Variants in POLA2 observed in about 807,000 individuals in gnomAD.
The protein encoded by POLA2 is DNA polymerase alpha 2, accessory subunit, also known as DNA polymerase alpha subunit B.
A neutral mutation model predicts 82.8 loss-of-function variants in POLA2; 47 were observed. The ratio of observed to expected loss-of-function variants is 0.57; its 90% CI spans 0.45 to 0.72. The LOEUF (loss-of-function observed/expected upper bound fraction) is 0.72. Ranked by LOEUF, POLA2 falls within the 30% of genes least tolerant of loss-of-function variation. The pLI is 0.00. For missense variants in POLA2, 634 were observed against 728.1 expected (o/e 0.87, Z 1.49); for synonymous variants, 287 against 286.8 (o/e 1.00, Z -0.01).
chr11:65,280,812 A>C, intron 7 of POLA2, 180 bp from the exon 8 acceptor site: 1 of 593,648 alleles, frequency 1.7e-6, no homozygotes. Flanking sequence ...ATGCCCTTTC[A>C]GAGTTCTTCC....
intron 11 of POLA2, among the ~76,000 whole-genome samples, 183 bp downstream of exon 11, chr11:65,288,023 T>C (rs1039463406): frequency 6.6e-6 from 1 of 152,190 alleles, no homozygotes; most frequent in Non-Finnish European, 1.5e-5. Context: ...AGCCCAACTT[T>C]GGCCGGGCGC....
chr11:65,288,948 T>G, intron 11 of POLA2, 102 bp from the exon 12 acceptor site: 1 of 1,097,538 alleles, frequency 9.1e-7, no homozygotes, highest in Non-Finnish European at 1.4e-6. Flanking sequence ...GAGGGACAGA[T>G]GAGCCCTCCA....
At chr11:65,270,572 C>T (rs559104008) in intron 4 of POLA2, among the ~76,000 whole-genome samples, 68 of 152,316 alleles carry the variant, frequency 4.5e-4, no homozygotes, top group African/African-American at 1.2e-3. Flanking sequence ...AGGACACCTC[C>T]GTTCTTCCAT....
At chr11:65,288,080 T>C (rs1949716473) in intron 11 of POLA2, among the ~76,000 whole-genome samples, 1 of 152,120 alleles carries the variant, frequency 6.6e-6, no homozygotes, top group African/African-American at 2.4e-5. Flanking sequence ...CCGAGATGTG[T>C]GGATCACTTG....
chr11:65,297,572 A>T lies in POLA2; in HGVS notation c.*303A>T, dbSNP rs1949826385. 1.2e-5 allele frequency: 3 copies of T among 258,110 alleles called. No individual in the cohort carries two copies. The East Asian group carries it at 2.2e-4, about 19-fold the overall frequency. The allele number at this position is 258,110 out of a possible 1,614,324, so 16.0% of individuals were successfully genotyped here. A position where few individuals can be genotyped will look rare whatever the true frequency, so the allele number is the denominator to read the frequency against. ...GAAGGCTTTGTGATTTTCTACATGA[A>T]TCAAACACAGAAACAACTTTTGGAG... On this transcript the variant is annotated 3_prime_UTR_variant, in exon 18 of 18. Transcript: ENST00000265465.
intron 5 of POLA2, among the ~76,000 whole-genome samples, chr11:65,278,231 C>T (rs998128434): frequency 9.9e-5 from 15 of 152,172 alleles, no homozygotes; most frequent in Admixed American, 9.2e-4. Context: ...CCTCCATAGA[C>T]ACTGGGGAAA....
intron 5 of POLA2, among the ~76,000 whole-genome samples, chr11:65,278,213 C>T (rs1173952440): frequency 6.6e-6 from 1 of 152,172 alleles, no homozygotes; most frequent in African/African-American, 2.4e-5. Context: ...TAATTCATTA[C>T]TTACCCACCT....
At chr11:65,270,282 C>G (rs561531865) in intron 4 of POLA2, among the ~76,000 whole-genome samples, 1 of 152,230 alleles carries the variant, frequency 6.6e-6, no homozygotes, top group South Asian at 2.1e-4. Flanking sequence ...TCCGGGAGAC[C>G]AAGGCAGGAG....
chr11:65,275,787 G>A (rs549657724), intron 4 of POLA2, 105 bp from the exon 5 acceptor site: 31 of 529,460 alleles, frequency 5.9e-5, no homozygotes, highest in Non-Finnish European at 8.7e-5. Context: ...GTCCTATTTT[G>A]TGCCTTCGTT....
In POLA2 at chr11:65,262,088, T is replaced by A; in HGVS notation, c.-205T>A. On this transcript the variant is annotated 5_prime_UTR_variant, in exon 1 of 18. Transcript: ENST00000265465. Reference sequence around the variant, plus strand: ...GGCGTTTGGGAGCCACCCCTTCATTTTTTAAAAAAAGTATTTCTCTGTGAC... The same window carrying A: ...GGCGTTTGGGAGCCACCCCTTCATTATTTAAAAAAAGTATTTCTCTGTGAC... The A allele has an allele frequency of 3.6e-6, 2 of 555,774 alleles. No individual in the cohort carries two copies. Among genetic ancestry groups the A allele is most frequent in the South Asian group, 2.3e-5 (1 of 43,550 alleles). The allele number at this position is 555,774 out of a possible 1,614,324, so 34.4% of individuals were successfully genotyped here.
chr11:65,298,833 A>C (rs1002221958), downstream of POLA2: 1 of 152,204 alleles, frequency 6.6e-6, no homozygotes, highest in Non-Finnish European at 1.5e-5. Context: ...CGGGGGCACC[A>C]TGACTTGTCA....
At chr11:65,262,627 C>T (rs1169353964) in intron 1 of POLA2, among the ~76,000 whole-genome samples, 1 of 152,128 alleles carries the variant, frequency 6.6e-6, no homozygotes, top group Non-Finnish European at 1.5e-5. Flanking sequence ...ACTCGAAGTT[C>T]CCGAAAGGCG....
chr11:65,262,079 C>T lies in POLA2; in HGVS notation c.-214C>T. On this transcript the variant is annotated 5_prime_UTR_variant, in exon 1 of 18. Coordinates refer to ENST00000265465, the MANE Select transcript of POLA2 (RefSeq NM_002689.4). ...TCCATTCAGGGCGTTTGGGAGCCAC[C>T]CCTTCATTTTTTAAAAAAAGTATTT... The T allele has an allele frequency of 1.8e-6, 1 of 553,064 alleles. No homozygotes were observed. The highest frequency in any genetic ancestry group is 3.4e-5 in the Admixed American group (1 of 29,366). 34.3% of individuals were successfully genotyped at this position (553,064 alleles called of 1,614,324 possible). A position where few individuals can be genotyped will look rare whatever the true frequency, so the allele number is the denominator to read the frequency against.
chr11:65,302,142 G>C (rs538864110), downstream of POLA2, among the ~76,000 whole-genome samples: 1 of 152,288 alleles, frequency 6.6e-6, no homozygotes, highest in East Asian at 1.9e-4. Context: ...TGCTCCCTGA[G>C]ATCCCAGGCT....
At chr11:65,287,294 C>T (rs1949706800) in intron 10 of POLA2, among the ~76,000 whole-genome samples, 2 of 152,154 alleles carry the variant, frequency 1.3e-5, no homozygotes, top group South Asian at 2.1e-4. Context: ...CTTCAGTACC[C>T]CACATTCTCC....
rs1379516628 is a variant in POLA2, at chr11:65,262,358, T to A, written c.66T>A (p.Ala22=). 1 of 1,613,420 alleles carries A rather than the reference T, an allele frequency of 6.2e-7. No homozygotes were observed. The highest frequency in any genetic ancestry group is 1.7e-5 in the Admixed American group (1 of 59,972). ...TCTTCGGCCTAGACTGCGAGGAGGCTCTAATTGAGAAATGTGAGTCCCGCA... is the reference window on the plus strand; with the variant it reads ...TCTTCGGCCTAGACTGCGAGGAGGCACTAATTGAGAAATGTGAGTCCCGCA... ...LQIFGLDCEE[A]LIEKLVELCV... The change falls in exon 1 of 18, where the codon GCT becomes GCA. Residue 22 remains alanine (A), a synonymous_variant. Transcript: ENST00000265465.
At chr11:65,264,924 A>G (rs1423052832) in intron 1 of POLA2, among the ~76,000 whole-genome samples, 2 of 152,146 alleles carry the variant, frequency 1.3e-5, no homozygotes, top group African/African-American at 2.4e-5. Context: ...TCTCCTTCCC[A>G]ATTACAGCAG....
intron 11 of POLA2, 51 bp downstream of exon 11, chr11:65,287,891 TA>T: frequency 6.3e-7 from 1 of 1,575,430 alleles, no homozygotes; most frequent in Non-Finnish European, 8.6e-7. Flanking sequence ...AAAATGGCTT[TA>T]ATGAAGTTCT....
intron 10 of POLA2, among the ~76,000 whole-genome samples, chr11:65,285,395 C>G (rs537063543): frequency 1.3e-5 from 2 of 150,998 alleles, no homozygotes. Context: ...GAGCTAGACT[C>G]TGTCTCAAAA....
Sources: allele counts gnomAD v4.1 joint callset (sites outside exome capture counted in the v4.1 genomes callset), GRCh38; gene constraint gnomAD v4.1.1; transcripts MANE v1.5; gene names NCBI Gene and HGNC (gene_info 2026-07-23, HGNC 2026-07-21).